HIBADH: variants seen among roughly 807,000 people sequenced by gnomAD.
The protein encoded by HIBADH is 3-hydroxyisobutyrate dehydrogenase, also known as 3-hydroxyisobutyrate dehydrogenase, mitochondrial.
In HIBADH, 25 loss-of-function variants were observed where a neutral mutation model predicts 36.1. The observed-to-expected ratio is 0.69, with a 90% CI of 0.50 to 0.97. HIBADH has a LOEUF of 0.97. Ranked by LOEUF, HIBADH falls within the 50% of genes least tolerant of loss-of-function variation. HIBADH has a pLI of 0.00. For missense variants in HIBADH, 421 were observed against 418.0 expected (o/e 1.01, Z -0.06); for synonymous variants, 160 against 149.5 (o/e 1.07, Z -0.51).
chr7:27,587,990 T>C (rs577174020), intron 4 of HIBADH, among the ~76,000 whole-genome samples: 3 of 152,350 alleles, frequency 2.0e-5, no homozygotes, highest in African/African-American at 7.2e-5. Flanking sequence ...TTATGAATCA[T>C]GCAATGATAC....
At chr7:27,527,247 G>A (rs1783917422) in intron 7 of HIBADH, among the ~76,000 whole-genome samples, 1 of 152,166 alleles carries the variant, frequency 6.6e-6, no homozygotes, top group African/African-American at 2.4e-5. Context: ...TAATCTCCAA[G>A]TAACTGAAAC....
intron 4 of HIBADH, among the ~76,000 whole-genome samples, chr7:27,558,124 AT>A (rs1274139485): frequency 6.6e-6 from 1 of 151,940 alleles, no homozygotes; most frequent in African/African-American, 2.4e-5. Flanking sequence ...CTTGATGCTT[AT>A]GGTTTCTATT....
intron 4 of HIBADH, among the ~76,000 whole-genome samples, chr7:27,549,244 T>C (rs928735216): frequency 6.6e-6 from 1 of 152,236 alleles, no homozygotes; most frequent in African/African-American, 2.4e-5. Flanking sequence ...TATTGTATTC[T>C]TGAAAATTGC....
chr7:27,549,983 T>C (rs567374947), intron 4 of HIBADH, among the ~76,000 whole-genome samples: 2 of 152,246 alleles, frequency 1.3e-5, no homozygotes, highest in East Asian at 1.9e-4. Flanking sequence ...TCTCAGCTCA[T>C]TGCAACCTCT....
At chr7:27,655,258 T>C (rs1562662216) in intron 1 of HIBADH, among the ~76,000 whole-genome samples, 2 of 152,120 alleles carry the variant, frequency 1.3e-5, no homozygotes, top group Admixed American at 6.5e-5. Context: ...TGAATGCAAA[T>C]TGTACATTAG....
At chr7:27,611,466 A>G (rs1583596240) in intron 4 of HIBADH, among the ~76,000 whole-genome samples, 1 of 151,702 alleles carries the variant, frequency 6.6e-6, no homozygotes, top group East Asian at 2.0e-4. Context: ...TGGAACCAAC[A>G]CTGTGGTAGC....
intron 4 of HIBADH, among the ~76,000 whole-genome samples, chr7:27,619,393 G>A (rs1409431928): frequency 6.6e-6 from 1 of 152,016 alleles, no homozygotes; most frequent in Non-Finnish European, 1.5e-5. Flanking sequence ...TGAGGACACA[G>A]GAAACATGAA....
intron 1 of HIBADH, among the ~76,000 whole-genome samples, chr7:27,656,520 T>C (rs561437892): frequency 9.2e-5 from 14 of 152,184 alleles, no homozygotes; most frequent in Non-Finnish European, 1.8e-4. Context: ...GGATAAGTTA[T>C]TAAGTGGAAA....
chr7:27,557,461 G>C (rs1480309383), intron 4 of HIBADH, among the ~76,000 whole-genome samples: 1 of 152,118 alleles, frequency 6.6e-6, no homozygotes, highest in Non-Finnish European at 1.5e-5. Context: ...AGTCTGTTTT[G>C]TGCTCCTATC....
At position 27,627,164 on chromosome 7, in the gene HIBADH, T is replaced by C. The variant is rs189257258; in HGVS notation, c.484+2207A>G. Among the ~76,000 whole-genome samples the C allele has an allele frequency of 2.6e-5, 4 of 152,300 alleles. No homozygotes were observed. In the East Asian group the frequency reaches 7.7e-4, roughly 29 times the overall value. ...ACCACCTGCTCCCCCATTGTTCCTA[T>C]ACACAGAATCTCTGACACTGGACCT... On this transcript the variant is annotated intron_variant, in intron 4 of 7. Transcript: ENST00000265395.
At chr7:27,607,694 AAACT>A (rs955519899) in intron 4 of HIBADH, among the ~76,000 whole-genome samples, 4 of 152,272 alleles carry the variant, frequency 2.6e-5, no homozygotes, top group South Asian at 2.1e-4. Context: ...CAATTACAGT[AAACT>A]AACTAGCCTC....
intron 4 of HIBADH, among the ~76,000 whole-genome samples, chr7:27,626,104 G>GAAAAAAAAAAAAAAAAAA (rs70994672): frequency 1.4e-5 from 1 of 72,496 alleles, no homozygotes; most frequent in African/African-American, 5.4e-5. Context: ...CTCCGTCTCA[G>GAAAAAAAAAAAAAAAAAA]AAAAAAAAAA....
At chr7:27,625,299 T>C (rs1785621614) in intron 4 of HIBADH, among the ~76,000 whole-genome samples, 1 of 152,110 alleles carries the variant, frequency 6.6e-6, no homozygotes, top group Non-Finnish European at 1.5e-5. Flanking sequence ...CCCTTTCTAA[T>C]TCTCACACAG....
At chr7:27,638,156 A>G (rs1247953647) in intron 2 of HIBADH, among the ~76,000 whole-genome samples, 3 of 152,078 alleles carry the variant, frequency 2.0e-5, no homozygotes, top group Admixed American at 6.6e-5. Flanking sequence ...TGGAGGCATC[A>G]TGTTACCCAA....
At chr7:27,576,955 C>T (rs998677203) in intron 4 of HIBADH, among the ~76,000 whole-genome samples, 1 of 152,092 alleles carries the variant, frequency 6.6e-6, no homozygotes, top group Admixed American at 6.5e-5. Flanking sequence ...TGAAAACATA[C>T]TTGATTTTAA....
rs1047160552 is a variant in HIBADH at position 27,538,520 on chromosome 7, A to C, written c.619-103T>G. ...CCAGGGGCTGCTTTCTAAAAGAAATAACATTCAACTGTTGATTTTCTCGAG... is the reference window on the plus strand; with the variant it reads ...CCAGGGGCTGCTTTCTAAAAGAAATCACATTCAACTGTTGATTTTCTCGAG... On this transcript the variant is annotated intron_variant, in intron 5 of 7. Transcript: ENST00000265395. 8.9e-6 allele frequency: 8 copies of C among 901,496 alleles called. No homozygotes were observed. The South Asian group carries it at 9.8e-5, about 11-fold the overall frequency. 55.8% of individuals were successfully genotyped at this position (901,496 alleles called of 1,614,324 possible).
chr7:27,547,127 C>A (rs1237126955), intron 4 of HIBADH, among the ~76,000 whole-genome samples: 1 of 152,184 alleles, frequency 6.6e-6, no homozygotes, highest in Non-Finnish European at 1.5e-5. Flanking sequence ...CATTTCATAT[C>A]ATTCTTCCCA....
chr7:27,623,239 G>A (rs1245510765), intron 4 of HIBADH, among the ~76,000 whole-genome samples: 2 of 152,072 alleles, frequency 1.3e-5, no homozygotes, highest in Non-Finnish European at 2.9e-5. Flanking sequence ...ACTAGGCATA[G>A]AAGGAACATA....
At chr7:27,643,828 G>C (rs1359445593) in intron 2 of HIBADH, among the ~76,000 whole-genome samples, 1 of 152,120 alleles carries the variant, frequency 6.6e-6, no homozygotes, top group Admixed American at 6.6e-5. Flanking sequence ...ATATTTTCTG[G>C]CTGGCAGCAG....
Sources: gnomAD v4.1 joint callset for allele counts (sites outside exome capture counted in the v4.1 genomes callset) on GRCh38, gnomAD v4.1.1 for gene constraint, MANE v1.5 for transcripts, NCBI Gene and HGNC (gene_info 2026-07-23, HGNC 2026-07-21) for gene names.